DCAF10: variants seen among roughly 807,000 people sequenced by gnomAD.
The protein encoded by DCAF10 is DDB1- and CUL4-associated factor 10.
In DCAF10, 19 loss-of-function variants were observed where a neutral mutation model predicts 51.9. The observed-to-expected ratio is 0.37, with a 90% CI of 0.26 to 0.54. The LOEUF is 0.54. DCAF10 is among the 20% of genes least tolerant of loss of function. The pLI, the probability that DCAF10 is intolerant of heterozygous loss-of-function variation, is 0.87. For missense variants in DCAF10, 510 were observed against 730.6 expected (o/e 0.70, Z 3.48); for synonymous variants, 291 against 297.1 (o/e 0.98, Z 0.21).
chr9:37,823,606 T>G (rs1829769098), intron 2 of DCAF10, among the ~76,000 whole-genome samples: 1 of 150,840 alleles, frequency 6.6e-6, no homozygotes, highest in African/African-American at 2.5e-5. Context: ...TGGCGGGGGG[T>G]ACATGTAAAA....
intron 1 of DCAF10, among the ~76,000 whole-genome samples, chr9:37,814,564 G>A (rs2119042815): frequency 6.6e-6 from 1 of 152,128 alleles, no homozygotes; most frequent in East Asian, 1.9e-4. Flanking sequence ...ATAGGTGAGA[G>A]CCACTGTGTC....
At position 37,800,842 on chromosome 9, in the gene DCAF10, G is replaced by C; in HGVS notation, c.-25G>C. ...GTGTCGGCCGGCGGGGCAGTGGCCC[G>C]GAGCGGGGGGCGGGGGCGTTGATCA... On this transcript the variant is annotated 5_prime_UTR_variant, in exon 1 of 7. Transcript: ENST00000377724. 1 of 1,486,034 alleles carries C rather than the reference G, an allele frequency of 6.7e-7. No homozygotes were observed. The highest frequency in any genetic ancestry group is 8.9e-7 in the Non-Finnish European group (1 of 1,124,748). The allele number at this position is 1,486,034 out of a possible 1,614,324, so 92.1% of individuals were successfully genotyped here.
intron 3 of DCAF10, among the ~76,000 whole-genome samples, chr9:37,848,929 C>CTGCTCTCCAGA (rs1425203734): frequency 5.4e-5 from 8 of 149,184 alleles, no homozygotes; most frequent in African/African-American, 1.7e-4. Context: ...GTCAAGATCA[C>CTGCTCTCCAGA]GCCACTGCTC....
chr9:37,858,945 T>C (rs1364502665), intron 5 of DCAF10, among the ~76,000 whole-genome samples: 2 of 152,238 alleles, frequency 1.3e-5, no homozygotes, highest in African/African-American at 2.4e-5. Flanking sequence ...TCCCCACTTT[T>C]GCCATCTCCT....
In DCAF10 at chr9:37,800,849, G is replaced by A; in HGVS notation, c.-18G>A. 1.3e-6 allele frequency: 2 copies of A among 1,485,374 alleles called. No homozygotes were observed. Among genetic ancestry groups the A allele is most frequent in the African/African-American group, 2.8e-5 (2 of 71,500 alleles). The allele number at this position is 1,485,374 out of a possible 1,614,324, so 92.0% of individuals were successfully genotyped here. ...CCGGCGGGGCAGTGGCCCGGAGCGG[G>A]GGGCGGGGGCGTTGATCATGTTTCC... On this transcript the variant is annotated 5_prime_UTR_variant, in exon 1 of 7. Coordinates refer to ENST00000377724, the MANE Select transcript of DCAF10 (RefSeq NM_024345.5).
At chr9:37,836,405 C>T in intron 2 of DCAF10, 6 of 1,600,600 alleles carry the variant, frequency 3.7e-6, no homozygotes, top group African/African-American at 1.3e-5. Context: ...CTTAAAGCCT[C>T]AGGGAGGCCA....
intron 4 of DCAF10, among the ~76,000 whole-genome samples, chr9:37,856,568 A>C (rs548986269): frequency 1.3e-5 from 2 of 152,386 alleles, no homozygotes; most frequent in African/African-American, 4.8e-5. Context: ...TGAAATAGAC[A>C]CTGCTATTTG....
chr9:37,843,162 C>T (rs1474083163), intron 3 of DCAF10, among the ~76,000 whole-genome samples: 1 of 152,014 alleles, frequency 6.6e-6, no homozygotes, highest in Non-Finnish European at 1.5e-5. Flanking sequence ...GGACTATAGG[C>T]ATGAGCCACC....
At position 37,861,595 on chromosome 9, in the gene DCAF10, T is replaced by C; in HGVS notation, c.*87T>C. On this transcript the variant is annotated 3_prime_UTR_variant, in exon 7 of 7. Transcript: ENST00000377724. This position sits in a 1 kb window ranked among gnomAD's most constrained non-coding sequence, Gnocchi z 4.9. ...GATGAAGTATTTTCTTTTTAGAAGA[T>C]CTTATAAGTTTGGGTCAAGATCCTG... 1.3e-6 allele frequency: 2 copies of C among 1,514,402 alleles called. No individual in the cohort carries two copies. The highest frequency in any genetic ancestry group is 1.8e-6 in the Non-Finnish European group (2 of 1,134,572). The allele number at this position is 1,514,402 out of a possible 1,614,324, so 93.8% of individuals were successfully genotyped here.
Position 37,801,087 on chromosome 9 carries a change from C to T in DCAF10, c.221C>T (p.Pro74Leu). 1 of 1,534,672 alleles carries T rather than the reference C, an allele frequency of 6.5e-7. No homozygotes were observed. The highest frequency in any genetic ancestry group is 1.4e-5 in the African/African-American group (1 of 70,916). ...PAPRSGELGLPGAPESSTASA... is the reference protein window; with the variant it reads ...PAPRSGELGLLGAPESSTASA... ...CCGCGCTCCGGAGAGCTAGGGCTGC[C>T]TGGAGCTCCGGAGTCCTCAACTGCC... The change falls in exon 1 of 7, where the codon CCT becomes CTT. Residue 74 changes from proline (P) to leucine (L), a missense_variant. By Grantham distance (98) the Pro-to-Leu change is moderately conservative. Transcript: ENST00000377724. The surrounding 1 kb of genome is among the most constrained non-coding windows in gnomAD (Gnocchi z 5.5).
chr9:37,837,862 A>G (rs1830218183), intron 2 of DCAF10, among the ~76,000 whole-genome samples: 1 of 151,520 alleles, frequency 6.6e-6, no homozygotes, highest in Non-Finnish European at 1.5e-5. Context: ...AAAAAAAAGA[A>G]TTAAAATTTT....
At chr9:37,835,956 A>G (rs1421312369) in intron 2 of DCAF10, 3 of 990,462 alleles carry the variant, frequency 3.0e-6, no homozygotes, top group Non-Finnish European at 4.9e-6. Flanking sequence ...TTTTGGCTAT[A>G]TTGCCCTTAG....
rs1211400745 is a variant in DCAF10, at chr9:37,865,288, G to A, written c.*3780G>A. 2 of 151,980 alleles carry A rather than the reference G, an allele frequency of 1.3e-5. No homozygotes were observed. The highest frequency in any genetic ancestry group is 2.9e-5 in the Non-Finnish European group (2 of 68,000). 9.4% of individuals were successfully genotyped at this position (151,980 alleles called of 1,614,324 possible). On this transcript the variant is annotated 3_prime_UTR_variant, in exon 7 of 7. Coordinates refer to ENST00000377724, the MANE Select transcript of DCAF10 (RefSeq NM_024345.5). ...TGAAAAAAAACCGAGCCACACAGAT[G>A]AGAATTAAAAATTAACAGCCAGCAA...
intron 2 of DCAF10, among the ~76,000 whole-genome samples, chr9:37,820,939 A>G (rs1378669080): frequency 6.6e-6 from 1 of 152,152 alleles, no homozygotes; most frequent in Non-Finnish European, 1.5e-5. Context: ...AGATGCATGT[A>G]GTACAAAATT....
intron 2 of DCAF10, among the ~76,000 whole-genome samples, chr9:37,832,476 G>C (rs1369145989): frequency 6.6e-6 from 1 of 151,586 alleles, no homozygotes; most frequent in African/African-American, 2.4e-5. Context: ...AAAAAAAATT[G>C]ATACCCATTT....
In DCAF10 at chr9:37,819,765, C is replaced by A. The variant is rs552083592; in HGVS notation, c.653+364C>A. Reference sequence around the variant, plus strand: ...CTTAGCACCTCTCACTTCCACCCTACCACTCTCTGCAGAAATACAGACTGT... The same window carrying A: ...CTTAGCACCTCTCACTTCCACCCTAACACTCTCTGCAGAAATACAGACTGT... On this transcript the variant is annotated intron_variant, in intron 2 of 6. Coordinates refer to ENST00000377724, the MANE Select transcript of DCAF10 (RefSeq NM_024345.5). 5.3e-5 allele frequency among the ~76,000 whole-genome samples: 8 copies of A among 152,298 alleles called. No individual in the cohort carries two copies. In the South Asian group the frequency reaches 1.7e-3, roughly 32 times the overall value.
chr9:37,833,580 CATCT>C (rs1330714689), intron 2 of DCAF10, among the ~76,000 whole-genome samples: 25 of 152,066 alleles, frequency 1.6e-4, no homozygotes, highest in Non-Finnish European at 3.7e-4. Flanking sequence ...TTTACCATAT[CATCT>C]GACAATGAAG....
chr9:37,832,855 T>G (rs1830046678), intron 2 of DCAF10, among the ~76,000 whole-genome samples: 2 of 151,994 alleles, frequency 1.3e-5, no homozygotes, highest in South Asian at 4.1e-4. Context: ...TGACTCTCTG[T>G]TTTAGGTTTT....
chr9:37,861,684 A>ATT lies in DCAF10; in HGVS notation c.*177_*178insTT, dbSNP rs1831021770. 1 of 804,610 alleles carries ATT rather than the reference A, an allele frequency of 1.2e-6. No homozygotes were observed. The highest frequency in any genetic ancestry group is 1.9e-6 in the Non-Finnish European group (1 of 528,128). 49.8% of individuals were successfully genotyped at this position (804,610 alleles called of 1,614,324 possible). ...CTTGGTCATCCAGCATCATACAGGC[A>ATT]TCTCCAAGTTAGACTCTATGCAGCA... On this transcript the variant is annotated 3_prime_UTR_variant, in exon 7 of 7. Transcript: ENST00000377724. The surrounding 1 kb of genome is among the most constrained non-coding windows in gnomAD (Gnocchi z 4.9).
Sources: gnomAD v4.1 joint callset for allele counts (sites outside exome capture counted in the v4.1 genomes callset) on GRCh38, gnomAD v4.1.1 for gene constraint, Gnocchi (gnomAD v3.1) non-coding constraint, MANE v1.5 for transcripts, NCBI Gene and HGNC (gene_info 2026-07-23, HGNC 2026-07-21) for gene names.